Variants in ATG2B observed in about 807,000 individuals in gnomAD.
ATG2B encodes the protein autophagy-related protein 2 homolog B.
Under a neutral mutation model 241.3 loss-of-function variants are expected in ATG2B, and 121 were observed. The observed-to-expected ratio is 0.50, with a 90% confidence interval of 0.43 to 0.58. The LOEUF (loss-of-function observed/expected upper bound fraction) is 0.58. Ranked by LOEUF, ATG2B falls within the 20% of genes least tolerant of loss-of-function variation. The pLI, the probability that ATG2B is intolerant of heterozygous loss-of-function variation, is 0.00. For synonymous variants in ATG2B, 858 were observed against 876.6 expected (o/e 0.98, Z 0.37); for missense variants, 2,306 against 2,491.6 (o/e 0.93, Z 1.59).
chr14:96,329,909 T>TA (rs1382363241), intron 11 of ATG2B, among the ~76,000 whole-genome samples: 15 of 152,134 alleles, frequency 9.9e-5, no homozygotes, highest in Non-Finnish European at 2.2e-4. Flanking sequence ...ATATATGAAA[T>TA]AGTCTCTTAA....
rs774029253 is a variant in ATG2B, at chr14:96,305,603, C to G, written c.4719G>C (p.Pro1573=). The G allele has an allele frequency of 6.2e-7, 1 of 1,609,948 alleles. No homozygotes were observed. Among genetic ancestry groups the G allele is most frequent in the Admixed American group, 1.7e-5 (1 of 59,904 alleles). ...KDFGIVPPTS[P]AKSYISPHSS... ...AATTAACTTACATATAACTTTTAGC[C>G]GGAGAAGTGGGAGGGACTATTCCAA... The change falls in exon 31 of 42, where the codon CCG becomes CCC. Residue 1573 remains proline, a synonymous_variant. Transcript: ENST00000359933.
At position 96,315,372 on chromosome 14, in the gene ATG2B, C is replaced by A. The variant is rs139643354; in HGVS notation, c.3561+12G>T. The A allele has an allele frequency of 5.5e-5, 88 of 1,612,394 alleles. No individual in the cohort carries two copies. In the African/African-American group the frequency reaches 1.0e-3, roughly 19 times the overall value. On this transcript the variant is annotated intron_variant, in intron 22 of 41. Transcript: ENST00000359933. ...TCAAATCAACAGTGGCATAAAAGTA[C>A]AAAACACAAACCTTTGTATTGGACT...
Position 96,341,508 on chromosome 14 carries a change from A to C in ATG2B, c.924+14T>G. The C allele has an allele frequency of 1.3e-6, 2 of 1,551,496 alleles. No individual in the cohort carries two copies. Among genetic ancestry groups the C allele is most frequent in the Non-Finnish European group, 1.7e-6 (2 of 1,149,278 alleles). On this transcript the variant is annotated intron_variant, in intron 6 of 41. Transcript: ENST00000359933. Reference sequence around the variant, plus strand: ...TATTTTGGTTTTACTACAGAAAGTGAAACAAACACTGACCTTAGCTCCAGG... The same window carrying C: ...TATTTTGGTTTTACTACAGAAAGTGCAACAAACACTGACCTTAGCTCCAGG...
intron 41 of ATG2B, among the ~76,000 whole-genome samples, chr14:96,287,576 G>T (rs950169023): frequency 7.9e-5 from 12 of 152,266 alleles, no homozygotes; most frequent in African/African-American, 2.9e-4. Flanking sequence ...CTAAAATGCT[G>T]CCTTCCTCCT....
rs1010167537 is a variant in ATG2B, at chr14:96,322,279, A to T, written c.2737-25T>A. The T allele has an allele frequency of 3.8e-6, 6 of 1,570,294 alleles. No individual in the cohort carries two copies. The African/African-American group carries it at 7.0e-5, about 18-fold the overall frequency. On this transcript the variant is annotated intron_variant, in intron 17 of 41. Coordinates refer to ENST00000359933, the MANE Select transcript of ATG2B (RefSeq NM_018036.7). ...TCTAAAACATAATAGTTCAGTGCAA[A>T]AAAAAAGGCATCCATGTTTAAAATA...
chr14:96,337,408 G>A (rs940158194), intron 6 of ATG2B, among the ~76,000 whole-genome samples: 1 of 152,074 alleles, frequency 6.6e-6, no homozygotes, highest in Non-Finnish European at 1.5e-5. Context: ...TCCCTAAGAG[G>A]CAAATATAGT....
At chr14:96,308,093 T>C (rs28630675) in intron 29 of ATG2B, among the ~76,000 whole-genome samples, 37,046 of 149,076 alleles carry the variant, frequency 0.25, 4,879 homozygotes, top group Non-Finnish European at 0.28. Context: ...AGCCACCCAG[T>C]AAATAATCAC....
Position 96,362,910 on chromosome 14 carries a change from C to T in ATG2B, c.67G>A (p.Gly23Ser). The T allele has an allele frequency of 6.2e-7, 1 of 1,613,692 alleles. No individual in the cohort carries two copies. The highest frequency in any genetic ancestry group is 1.1e-5 in the South Asian group (1 of 91,066). ...ACRYLLQRYL[G>S]HFLQEKLSLE... is the part of the protein sequence containing the mutation. ...CTCAGCTTCTCCTGCAGAAAGTGGC[C>T]CAGGTACCTCTGCAGGAGGTACCGG... The change falls in exon 1 of 42, where the codon GGC (glycine) becomes AGC (serine). Residue 23 changes from glycine (G) to serine (S), a missense_variant. Coordinates refer to ENST00000359933, the MANE Select transcript of ATG2B (RefSeq NM_018036.7).
At chr14:96,295,284 G>A (rs1435247196) in intron 35 of ATG2B, 117 bp from the exon 36 acceptor site, 22 of 1,057,418 alleles carry the variant, frequency 2.1e-5, no homozygotes, top group Non-Finnish European at 2.8e-5. Flanking sequence ...TACGATTCTT[G>A]TTACAGAGAA....
At chr14:96,307,699 G>A (rs1886991640) in intron 29 of ATG2B, among the ~76,000 whole-genome samples, 1 of 151,512 alleles carries the variant, frequency 6.6e-6, no homozygotes, top group African/African-American at 2.4e-5. Flanking sequence ...GGAAGGGGAG[G>A]GAAGAATAGC....
Position 96,286,097 on chromosome 14 carries a change from T to C in ATG2B, c.6007-112A>G, listed in dbSNP as rs537297868. The C allele has an allele frequency of 6.6e-5, 48 of 731,754 alleles. No homozygotes were observed. The Admixed American group carries it at 8.8e-4, about 13-fold the overall frequency. The allele number at this position is 731,754 out of a possible 1,614,324, so 45.3% of individuals were successfully genotyped here. On this transcript the variant is annotated intron_variant, in intron 41 of 41. Coordinates refer to ENST00000359933, the MANE Select transcript of ATG2B (RefSeq NM_018036.7). The stretch of plus-strand genomic sequence containing the variant: ...TTTAAAGCAGGTAACATTATGTTTG[T>C]AACCAGACAAAAAAAAATGCCATGC...
At position 96,363,162 on chromosome 14, in the gene ATG2B, C is replaced by A. The variant is rs1888729947; in HGVS notation, c.-186G>T. 1.6e-6 allele frequency: 1 copy of A among 621,028 alleles called. No homozygotes were observed. Among genetic ancestry groups the A allele is most frequent in the Non-Finnish European group, 2.8e-6 (1 of 360,192 alleles). The allele number at this position is 621,028 out of a possible 1,614,324, so 38.5% of individuals were successfully genotyped here. On this transcript the variant is annotated 5_prime_UTR_variant, in exon 1 of 42. Coordinates refer to ENST00000359933, the MANE Select transcript of ATG2B (RefSeq NM_018036.7). The stretch of plus-strand genomic sequence containing the variant: ...GCCGCACCGCTCGCGCTGGGCCTGG[C>A]GGAGGCAAGACGCAGAGGGGTCCTC...
chr14:96,344,524 G>A (rs941057185), intron 4 of ATG2B, 130 bp downstream of exon 4: 11 of 476,412 alleles, frequency 2.3e-5, no homozygotes, highest in Admixed American at 1.2e-4. Flanking sequence ...CAAATAACTT[G>A]AAGAGCAGCA....
chr14:96,298,909 A>G (rs897606059), intron 34 of ATG2B, among the ~76,000 whole-genome samples: 1 of 145,988 alleles, frequency 6.8e-6, no homozygotes, highest in South Asian at 2.1e-4. Context: ...ATTATACCTC[A>G]GTGCAATCAA....
intron 24 of ATG2B, 81 bp downstream of exon 24, chr14:96,313,248 A>T: frequency 1.5e-6 from 2 of 1,355,646 alleles, no homozygotes; most frequent in Non-Finnish European, 2.1e-6. Context: ...TTTGAACCTT[A>T]ACTCTACTGA....
chr14:96,329,480 T>C lies in ATG2B; in HGVS notation c.1881+4A>G. ...ATCTTAAAGAAAAAGTATTCAATAT[T>C]TACCTCTGTATAGTGAGGAGGAACA... On this transcript the variant is annotated splice_donor_region_variant and intron_variant, in intron 12 of 41. Coordinates refer to ENST00000359933, the MANE Select transcript of ATG2B (RefSeq NM_018036.7). The C allele has an allele frequency of 6.3e-7, 1 of 1,581,024 alleles. No homozygotes were observed. Among genetic ancestry groups the C allele is most frequent in the Non-Finnish European group, 8.6e-7 (1 of 1,165,974 alleles).
At chr14:96,286,037 C>A in intron 41 of ATG2B, 52 bp from the exon 42 acceptor site, 2 of 1,455,702 alleles carry the variant, frequency 1.4e-6, no homozygotes, top group South Asian at 2.4e-5. Context: ...AAACTCTGGT[C>A]GGAAAACTCT....
intron 1 of ATG2B, among the ~76,000 whole-genome samples, chr14:96,356,170 CAAAA>C (rs10712581): frequency 3.8e-5 from 5 of 130,484 alleles, no homozygotes; most frequent in African/African-American, 5.7e-5. Flanking sequence ...GAATGCGGCT[CAAAA>C]AAAAAAAAAA....
chr14:96,313,538 C>A, intron 23 of ATG2B, 103 bp from the exon 24 acceptor site: 2 of 520,322 alleles, frequency 3.8e-6, no homozygotes, highest in South Asian at 4.3e-5. Context: ...CAGAAAAAAT[C>A]ATTTAATTGG....
Sources: gnomAD v4.1 joint callset for allele counts (sites outside exome capture counted in the v4.1 genomes callset) on GRCh38, gnomAD v4.1.1 for gene constraint, MANE v1.5 for transcripts, NCBI Gene and HGNC (gene_info 2026-07-23, HGNC 2026-07-21) for gene names.